The following NTN1 variants were observed in gnomAD, a reference collection of about 807,000 sequenced individuals.
NTN1 encodes netrin 1, also known as netrin-1.
A neutral mutation model predicts 54.2 loss-of-function variants in NTN1; 11 were observed. The observed-to-expected ratio is 0.20, with a 90% CI of 0.13 to 0.34. The LOEUF (loss-of-function observed/expected upper bound fraction) is 0.34, where lower values mean the gene tolerates loss of function less well. Among genes scored for constraint, NTN1 ranks in the 10% least tolerant of loss-of-function variants. The probability of loss-of-function intolerance (pLI) is 1.00; values close to 1 mark genes in which losing one functional copy is unlikely to be tolerated. For synonymous variants in NTN1, 371 were observed against 382.0 expected, an observed-to-expected ratio of 0.97 and a Z score of 0.33; for missense variants, 740 against 893.1, an observed-to-expected ratio of 0.83 and a Z score of 2.18.
chr17:9,090,454 G>T (rs899275621), intron 2 of NTN1, among the ~76,000 whole-genome samples: 2 of 152,148 alleles, frequency 1.3e-5, no homozygotes, highest in African/African-American at 4.8e-5. Flanking sequence ...GATTACAGGT[G>T]TGAGCCACCG....
intron 6 of NTN1, among the ~76,000 whole-genome samples, chr17:9,222,136 C>A (rs1012955383): frequency 7.9e-5 from 12 of 152,236 alleles, no homozygotes; most frequent in Non-Finnish European, 1.3e-4. Context: ...TTCTTTCTAG[C>A]ACGGGGCCTC....
chr17:9,054,926 G>A (rs1322211325), intron 2 of NTN1, among the ~76,000 whole-genome samples: 1 of 152,210 alleles, frequency 6.6e-6, no homozygotes, highest in African/African-American at 2.4e-5. Context: ...TTCCTTAGGG[G>A]AGGGCTAAAC....
At chr17:9,023,461 G>T in intron 2 of NTN1, 70 bp downstream of exon 2, 1 of 1,331,482 alleles carries the variant, frequency 7.5e-7, no homozygotes. Flanking sequence ...GCCTCGCAGC[G>T]GCGAGTTCAT....
chr17:9,210,476 T>G (rs1353581692), intron 5 of NTN1, among the ~76,000 whole-genome samples: 1 of 151,826 alleles, frequency 6.6e-6, no homozygotes, highest in Non-Finnish European at 1.5e-5. Flanking sequence ...ACTCTTCTGC[T>G]GTCTCCTGGG....
intron 2 of NTN1, among the ~76,000 whole-genome samples, chr17:9,038,830 C>T (rs1032044859): frequency 1.3e-5 from 2 of 152,058 alleles, no homozygotes; most frequent in African/African-American, 2.4e-5. Flanking sequence ...TCTAGTATTT[C>T]TAGATGCTTG....
chr17:9,158,343 G>GC (rs1228883730), intron 2 of NTN1, among the ~76,000 whole-genome samples: 2 of 152,172 alleles, frequency 1.3e-5, no homozygotes, highest in Admixed American at 6.5e-5. Context: ...AGAGGTTAGG[G>GC]CAGGCCCCTC....
chr17:9,032,758 G>A lies in NTN1; in HGVS notation c.1018+9367G>A, dbSNP rs190087742. 2.6e-3 allele frequency among the ~76,000 whole-genome samples: 397 copies of A among 152,240 alleles called. 4 individuals are homozygous for A. Among genetic ancestry groups the A allele is most frequent in the African/African-American group, 9.2e-3 (384 of 41,560 alleles). ...CCCAGCCCCTACCCTCAGCCCTTTGGCCAGCTCGTTTTCCTCTCCCCGAAG... is the reference window on the plus strand; with the variant it reads ...CCCAGCCCCTACCCTCAGCCCTTTGACCAGCTCGTTTTCCTCTCCCCGAAG... On this transcript the variant is annotated intron_variant, in intron 2 of 6. Coordinates refer to ENST00000173229, the MANE Select transcript of NTN1 (RefSeq NM_004822.3).
At chr17:9,222,992 C>T (rs1041813300) in intron 6 of NTN1, among the ~76,000 whole-genome samples, 1 of 152,176 alleles carries the variant, frequency 6.6e-6, no homozygotes, top group Non-Finnish European at 1.5e-5. Flanking sequence ...GCCTTCTGGC[C>T]TTCTACAGGG....
At chr17:9,076,829 C>T (rs183137721) in intron 2 of NTN1, among the ~76,000 whole-genome samples, 2 of 152,286 alleles carry the variant, frequency 1.3e-5, no homozygotes, top group African/African-American at 4.8e-5. Context: ...TTTTTAACTC[C>T]TGTGTGACTT....
chr17:9,089,474 A>G (rs1471456020), intron 2 of NTN1, among the ~76,000 whole-genome samples: 2 of 152,070 alleles, frequency 1.3e-5, no homozygotes, highest in South Asian at 2.1e-4. Flanking sequence ...TACTTTTTAT[A>G]CCTTGTTAAA....
Position 9,243,181 on chromosome 17 carries a change from G to A in NTN1, c.*3213G>A, listed in dbSNP as rs1906280978. 1 of 152,180 alleles carries A rather than the reference G, an allele frequency of 6.6e-6. No homozygotes were observed. The highest frequency in any genetic ancestry group is 2.4e-5 in the African/African-American group (1 of 41,432). The allele number at this position is 152,180 out of a possible 1,614,324, so 9.4% of individuals were successfully genotyped here. A position where few individuals can be genotyped will look rare whatever the true frequency, so the allele number is the denominator to read the frequency against. On this transcript the variant is annotated 3_prime_UTR_variant, in exon 7 of 7. Transcript: ENST00000173229. The stretch of plus-strand genomic sequence containing the variant: ...GATTCACCTGCTGGCTGTGGTCTCT[G>A]CCCACTGCTTCTGTCCTTGGAAAGC...
chr17:9,161,378 G>C (rs980116549), intron 2 of NTN1, among the ~76,000 whole-genome samples: 1 of 152,182 alleles, frequency 6.6e-6, no homozygotes, highest in African/African-American at 2.4e-5. Flanking sequence ...GGAGCATAAA[G>C]AGCGAGAGGC....
chr17:9,226,478 G>C (rs1320444386), intron 6 of NTN1, among the ~76,000 whole-genome samples: 2 of 37,876 alleles, frequency 5.3e-5, no homozygotes, highest in Non-Finnish European at 8.5e-5. Flanking sequence ...GCTGTCTCGT[G>C]GGGAGGCGGT....
At chr17:9,036,541 A>G (rs185721125) in intron 2 of NTN1, among the ~76,000 whole-genome samples, 113 of 152,074 alleles carry the variant, frequency 7.4e-4, no homozygotes, top group South Asian at 4.0e-3. Flanking sequence ...GATTACAGGC[A>G]TGAGTCACCT....
rs1446098418 is a variant in NTN1, at chr17:9,212,330, C to G, written c.1412-8838C>G. Reference sequence around the variant, plus strand: ...GAGCCAGCTTCCTGGGGAGTGTGTCCTCCATTCTCATCATGCCTCGCGCAT... The same window carrying G: ...GAGCCAGCTTCCTGGGGAGTGTGTCGTCCATTCTCATCATGCCTCGCGCAT... On this transcript the variant is annotated intron_variant, in intron 5 of 6. Coordinates refer to ENST00000173229, the MANE Select transcript of NTN1 (RefSeq NM_004822.3). This position sits in a 1 kb window ranked among gnomAD's most constrained non-coding sequence, Gnocchi z 5.5. 6.6e-6 allele frequency among the ~76,000 whole-genome samples: 1 copy of G among 152,176 alleles called. No homozygotes were observed. The highest frequency in any genetic ancestry group is 1.5e-5 in the Non-Finnish European group (1 of 68,026).
At chr17:9,141,784 G>C (rs1415267804) in intron 2 of NTN1, among the ~76,000 whole-genome samples, 1 of 152,128 alleles carries the variant, frequency 6.6e-6, no homozygotes, top group Non-Finnish European at 1.5e-5. Context: ...AGTTGGGGCT[G>C]GGCACAGTGG....
At chr17:9,004,974 C>T in the NTN1 span, among the ~76,000 whole-genome samples, 3 of 152,116 alleles carry the variant, frequency 2.0e-5, no homozygotes, top group African/African-American at 7.2e-5. Context: ...TGGAAGTCAT[C>T]CCTCCCCTCT....
the NTN1 span, among the ~76,000 whole-genome samples, chr17:9,013,203 CTTT>C: frequency 7.4e-6 from 1 of 135,566 alleles, no homozygotes; most frequent in Non-Finnish European, 1.5e-5. Flanking sequence ...CTCTTTTTTT[CTTT>C]TTTCTTTTTC....
chr17:9,234,909 G>T (rs1223729002), intron 6 of NTN1, among the ~76,000 whole-genome samples: 4 of 151,120 alleles, frequency 2.6e-5, no homozygotes, highest in African/African-American at 9.7e-5. Flanking sequence ...ACCTCTTCCT[G>T]TATACCAGCA....
Sources: gnomAD v4.1 joint callset for allele counts (sites outside exome capture counted in the v4.1 genomes callset) on GRCh38, gnomAD v4.1.1 for gene constraint, Gnocchi (gnomAD v3.1) non-coding constraint, MANE v1.5 for transcripts, NCBI Gene and HGNC (gene_info 2026-07-23, HGNC 2026-07-21) for gene names.